RIT2: variants seen among roughly 807,000 people sequenced by gnomAD.
RIT2 encodes GTP-binding protein Rit2.
RIT2 carries 24 observed loss-of-function variants against 23.7 expected under a neutral mutation model. That is an observed-to-expected ratio of 1.01 (90% CI 0.73 to 1.43). The LOEUF is 1.43. Ranked by LOEUF, RIT2 falls within the 40% of genes most tolerant of loss-of-function variation. RIT2 has a pLI of 0.00. For synonymous variants in RIT2, 107 were observed against 91.1 expected (o/e 1.17, Z -0.99); for missense variants, 236 against 266.9 (o/e 0.88, Z 0.81).
chr18:43,028,505 G>A lies in RIT2; in HGVS notation c.160+5306C>T, dbSNP rs183145303. Among the ~76,000 whole-genome samples, 243 of 152,082 alleles carry A rather than the reference G, an allele frequency of 1.6e-3. 1 individual carries two copies. Among genetic ancestry groups the A allele is most frequent in the African/African-American group, 5.4e-3 (226 of 41,514 alleles). ...CAGGATGAAGGCAGAATTCAATATC[G>A]AATTTAATTAGTTTCATACGAATTA... On this transcript the variant is annotated intron_variant, in intron 2 of 4. Transcript: ENST00000326695.
chr18:43,024,954 T>A (rs1911678759), intron 2 of RIT2, among the ~76,000 whole-genome samples: 1 of 151,906 alleles, frequency 6.6e-6, no homozygotes, highest in African/African-American at 2.4e-5. Context: ...ATACCTGTAA[T>A]CTCAGAACTT....
chr18:43,056,349 C>T (rs928076244), intron 1 of RIT2, among the ~76,000 whole-genome samples: 11 of 152,002 alleles, frequency 7.2e-5, no homozygotes, highest in Non-Finnish European at 1.0e-4. Context: ...CTACAGCACA[C>T]TGAATCAAAA....
chr18:42,980,419 T>C (rs1457597880), intron 2 of RIT2, among the ~76,000 whole-genome samples: 1 of 152,004 alleles, frequency 6.6e-6, no homozygotes, highest in Non-Finnish European at 1.5e-5. Context: ...TAGCATCTAT[T>C]TATATAGATG....
At chr18:42,811,978 G>A (rs1275769531) in intron 4 of RIT2, among the ~76,000 whole-genome samples, 1 of 151,954 alleles carries the variant, frequency 6.6e-6, no homozygotes, top group Non-Finnish European at 1.5e-5. Context: ...AAAGTCATGG[G>A]GCTACGGGTA....
At chr18:43,109,484 T>G (rs1416877557) in intron 1 of RIT2, among the ~76,000 whole-genome samples, 1 of 152,190 alleles carries the variant, frequency 6.6e-6, no homozygotes, top group Admixed American at 6.5e-5. Context: ...CTGTATACAC[T>G]GTTTATGTTC....
At chr18:42,841,034 A>C (rs755412717) in intron 4 of RIT2, among the ~76,000 whole-genome samples, 4 of 152,178 alleles carry the variant, frequency 2.6e-5, no homozygotes, top group Non-Finnish European at 5.9e-5. Context: ...CTAACCTATA[A>C]GCTAGCGAGC....
chr18:42,763,294 C>G (rs1913345069), intron 4 of RIT2, among the ~76,000 whole-genome samples: 1 of 152,082 alleles, frequency 6.6e-6, no homozygotes, highest in African/African-American at 2.4e-5. Context: ...AACCCCGTCT[C>G]TATTAAAAAT....
rs541210989 is a variant in RIT2, at chr18:43,079,863, T to C, written c.103+35554A>G. On this transcript the variant is annotated intron_variant, in intron 1 of 4. Transcript: ENST00000326695. ...TCTGCCTTTGAATTTCAAATTTGAA[T>C]ATGAAAAAGGCACCTGAGCTTCAGT... is the stretch of plus-strand genomic sequence containing the variant. Among the ~76,000 whole-genome samples the C allele has an allele frequency of 7.9e-5, 12 of 152,272 alleles. No individual in the cohort carries two copies. The East Asian group carries it at 2.3e-3, about 30-fold the overall frequency.
intron 4 of RIT2, 34 bp from the exon 5 acceptor site, chr18:42,743,754 A>G: frequency 2.0e-6 from 3 of 1,472,552 alleles, no homozygotes; most frequent in Non-Finnish European, 2.8e-6. Context: ...AAAAAGACAG[A>G]AAGAGAAAGA....
intron 4 of RIT2, among the ~76,000 whole-genome samples, chr18:42,767,739 T>A (rs895181153): frequency 6.6e-6 from 1 of 152,282 alleles, no homozygotes; most frequent in East Asian, 1.9e-4. Flanking sequence ...AATTCCCACA[T>A]GTTTTAAGAG....
intron 4 of RIT2, among the ~76,000 whole-genome samples, chr18:42,790,897 C>G (rs1914028506): frequency 6.6e-6 from 1 of 152,188 alleles, no homozygotes; most frequent in Non-Finnish European, 1.5e-5. Flanking sequence ...TCTGGTCTGG[C>G]TCAACCTTCC....
In RIT2 at chr18:42,923,690, T is replaced by C; in HGVS notation, c.308A>G (p.Asp103Gly). Residue 103 changes from aspartate (D) to glycine (G), a missense_variant, in exon 4 of 5, where the codon GAC (aspartate) becomes GGC (glycine). By Grantham distance (94) the Asp-to-Gly change is moderately conservative (BLOSUM62 -1). Transcript: ENST00000326695. ...GGCAGCCTCCTGAAATGATTGACGGTCAGTGACGGAGTAGCAGATGATGAA... is the reference window on the plus strand; with the variant it reads ...GGCAGCCTCCTGAAATGATTGACGGCCAGTGACGGAGTAGCAGATGATGAA... ...EGFIICYSVT[D>G]RQSFQEAAKF... 6.2e-7 allele frequency: 1 copy of C among 1,612,982 alleles called. No individual in the cohort carries two copies. Among genetic ancestry groups the C allele is most frequent in the African/African-American group, 1.3e-5 (1 of 74,688 alleles).
At chr18:42,943,510 C>A (rs1909654528) in intron 3 of RIT2, among the ~76,000 whole-genome samples, 1 of 152,092 alleles carries the variant, frequency 6.6e-6, no homozygotes, top group African/African-American at 2.4e-5. Flanking sequence ...CCCACCATGA[C>A]TATGACCATT....
chr18:42,751,748 G>A (rs966233994), intron 4 of RIT2, among the ~76,000 whole-genome samples: 1 of 151,782 alleles, frequency 6.6e-6, no homozygotes, highest in Admixed American at 6.6e-5. Context: ...CTATCTAATG[G>A]AATAATAACA....
intron 1 of RIT2, 34 bp downstream of exon 1, chr18:43,115,383 C>G (rs781558508): frequency 1.1e-5 from 17 of 1,610,886 alleles, no homozygotes; most frequent in Non-Finnish European, 1.4e-5. Context: ...CTATAGAGGT[C>G]CCTCCTTCCC....
At chr18:42,858,540 G>A (rs1183478853) in intron 4 of RIT2, among the ~76,000 whole-genome samples, 1 of 152,186 alleles carries the variant, frequency 6.6e-6, no homozygotes, top group African/African-American at 2.4e-5. Flanking sequence ...TATAAAAGAT[G>A]TATTGGAATG....
At chr18:42,837,436 G>A (rs1906646709) in intron 4 of RIT2, among the ~76,000 whole-genome samples, 3 of 151,206 alleles carry the variant, frequency 2.0e-5, no homozygotes, top group Non-Finnish European at 2.9e-5. Context: ...CAAAGTGCTG[G>A]GATTACAGGC....
chr18:43,079,073 A>C, intron 1 of RIT2, among the ~76,000 whole-genome samples: 1 of 152,212 alleles, frequency 6.6e-6, no homozygotes, highest in East Asian at 1.9e-4. Flanking sequence ...GTTTCATTTA[A>C]AAAGAAAACA....
chr18:43,016,016 T>A (rs1213700461), intron 2 of RIT2, among the ~76,000 whole-genome samples: 1 of 151,886 alleles, frequency 6.6e-6, no homozygotes, highest in African/African-American at 2.4e-5. Context: ...AATGAAGGTT[T>A]AATTATTCCT....
Sources: allele counts gnomAD v4.1 joint callset (sites outside exome capture counted in the v4.1 genomes callset), GRCh38; gene constraint gnomAD v4.1.1; transcripts MANE v1.5; gene names NCBI Gene and HGNC (gene_info 2026-07-23, HGNC 2026-07-21).